COL4A2: variants seen among roughly 807,000 people sequenced by gnomAD.
COL4A2 encodes collagen alpha-2(IV) chain.
In COL4A2, 99 loss-of-function variants were observed where a neutral mutation model predicts 200.2. The ratio of observed to expected loss-of-function variants is 0.49; its 90% CI spans 0.42 to 0.58. COL4A2 has a LOEUF of 0.58. Among genes scored for constraint, COL4A2 ranks in the 20% least tolerant of loss-of-function variants. COL4A2 has a pLI of 0.00. For missense variants in COL4A2, 1,950 were observed against 2,314.1 expected, an observed-to-expected ratio of 0.84 and a Z score of 3.23; for synonymous variants, 897 against 900.6, an observed-to-expected ratio of 1.00 and a Z score of 0.07.
chr13:110,449,916 TA>T, intron 19 of COL4A2, 127 bp downstream of exon 19: 1 of 1,073,396 alleles, frequency 9.3e-7, no homozygotes. Context: ...TGACTAGTCT[TA>T]GCAGCTCTAA....
intron 36 of COL4A2, among the ~76,000 whole-genome samples, chr13:110,490,752 G>A (rs1177432344): frequency 5.3e-5 from 8 of 152,180 alleles, no homozygotes; most frequent in South Asian, 2.1e-4. Flanking sequence ...TCATTACCAC[G>A]CGTCTCTAAT....
intron 4 of COL4A2, among the ~76,000 whole-genome samples, chr13:110,417,165 G>C (rs1052217627): frequency 2.0e-5 from 3 of 152,160 alleles, no homozygotes; most frequent in African/African-American, 7.2e-5. Flanking sequence ...ATTTTTAGTA[G>C]AGGCAAGGTT....
chr13:110,360,121 A>T (rs142664354), intron 4 of COL4A2, among the ~76,000 whole-genome samples: 1 of 151,860 alleles, frequency 6.6e-6, no homozygotes, highest in Non-Finnish European at 1.5e-5. Context: ...CTGACTGCAG[A>T]CTCTCCACCC....
intron 15 of COL4A2, among the ~76,000 whole-genome samples, chr13:110,438,876 C>A (rs929053844): frequency 6.7e-6 from 1 of 148,970 alleles, no homozygotes; most frequent in Non-Finnish European, 1.5e-5. Context: ...GGCTACAATC[C>A]GTGAACCATC....
chr13:110,313,565 ACCCCAGT>A (rs1885049630), intron 3 of COL4A2, among the ~76,000 whole-genome samples: 1 of 65,102 alleles, frequency 1.5e-5, no homozygotes, highest in Non-Finnish European at 3.4e-5. Flanking sequence ...GCAGGCTCCC[ACCCCAGT>A]GCCCCGTGTC....
chr13:110,510,616 CTGTG>C (rs35675138), intron 47 of COL4A2, among the ~76,000 whole-genome samples: 18,043 of 151,524 alleles, frequency 0.12, 1,533 homozygotes, highest in East Asian at 0.43. Context: ...CAAGCATGCA[CTGTG>C]TGTGTGTGTG....
At chr13:110,327,071 C>T (rs1885434294) in intron 3 of COL4A2, among the ~76,000 whole-genome samples, 1 of 117,442 alleles carries the variant, frequency 8.5e-6, no homozygotes, top group Admixed American at 8.0e-5. Context: ...ACCGCTCCCA[C>T]CCCAGCCCTG....
At chr13:110,440,420 A>G (rs754686726) in intron 16 of COL4A2, among the ~76,000 whole-genome samples, 1 of 152,102 alleles carries the variant, frequency 6.6e-6, no homozygotes, top group Admixed American at 6.5e-5. Context: ...CAACATGGTG[A>G]AACCCTGTCT....
intron 3 of COL4A2, among the ~76,000 whole-genome samples, chr13:110,325,051 G>C (rs965000931): frequency 2.0e-5 from 3 of 152,220 alleles, no homozygotes; most frequent in African/African-American, 7.2e-5. Context: ...CATGCACAAG[G>C]AGGATGGGGA....
At chr13:110,506,385 C>G in intron 45 of COL4A2, 30 bp from the exon 46 acceptor site, 1 of 1,590,216 alleles carries the variant, frequency 6.3e-7, no homozygotes, top group Non-Finnish European at 8.6e-7. Context: ...TGCACCAGGC[C>G]GTCCACTCTC....
intron 4 of COL4A2, among the ~76,000 whole-genome samples, chr13:110,424,349 CCA>C (rs1880378659): frequency 1.3e-5 from 2 of 150,116 alleles, no homozygotes; most frequent in Non-Finnish European, 3.0e-5. Context: ...ATACACATTT[CCA>C]CAGTTACTGG....
intron 3 of COL4A2, among the ~76,000 whole-genome samples, chr13:110,310,218 G>C (rs937488559): frequency 6.6e-6 from 1 of 152,164 alleles, no homozygotes; most frequent in Non-Finnish European, 1.5e-5. Flanking sequence ...CAAGAACATT[G>C]ATTGCCCAGC....
At chr13:110,476,247 T>C (rs4450261) in intron 29 of COL4A2, among the ~76,000 whole-genome samples, 152,243 of 152,312 alleles carry the variant, frequency 1, 76,087 homozygotes, top group Middle Eastern at 1. Context: ...CAGCCTGCAG[T>C]GCTGCCTGCC....
chr13:110,409,179 AC>A (rs1300973272), intron 4 of COL4A2, among the ~76,000 whole-genome samples: 3 of 152,132 alleles, frequency 2.0e-5, no homozygotes, highest in African/African-American at 7.2e-5. Flanking sequence ...ACATGTACAC[AC>A]ATACACGCAC....
At chr13:110,344,796 A>T (rs1266050972) in intron 3 of COL4A2, among the ~76,000 whole-genome samples, 1 of 152,150 alleles carries the variant, frequency 6.6e-6, no homozygotes, top group Non-Finnish European at 1.5e-5. Flanking sequence ...ACCCCCTTCT[A>T]TGAAACTATG....
At chr13:110,345,998 C>A (rs1316745726) in intron 3 of COL4A2, among the ~76,000 whole-genome samples, 1 of 152,136 alleles carries the variant, frequency 6.6e-6, no homozygotes, top group East Asian at 1.9e-4. Flanking sequence ...ATCCTGCCCA[C>A]ACCCAGCTCC....
At chr13:110,461,784 C>T (rs1414427201) in intron 22 of COL4A2, among the ~76,000 whole-genome samples, 1 of 152,200 alleles carries the variant, frequency 6.6e-6, no homozygotes. Flanking sequence ...ATCCGCCCAC[C>T]TCAGCCTCCC....
chr13:110,466,938 C>A, intron 26 of COL4A2, 102 bp from the exon 27 acceptor site: 3 of 1,425,604 alleles, frequency 2.1e-6, no homozygotes, highest in Non-Finnish European at 2.9e-6. Context: ...AGAATGGTAG[C>A]CGGTTTGCAC....
At chr13:110,494,532 A>G (rs1480173622) in intron 39 of COL4A2, among the ~76,000 whole-genome samples, 1 of 151,762 alleles carries the variant, frequency 6.6e-6, no homozygotes, top group Non-Finnish European at 1.5e-5. Flanking sequence ...TTTCTTTTCA[A>G]TTTATACAAA....
Sources: gnomAD v4.1 joint callset for allele counts (sites outside exome capture counted in the v4.1 genomes callset) on GRCh38, gnomAD v4.1.1 for gene constraint, MANE v1.5 for transcripts, NCBI Gene and HGNC (gene_info 2026-07-23, HGNC 2026-07-21) for gene names.